Variants in ESRRG observed in about 807,000 individuals in gnomAD.
ESRRG encodes estrogen related receptor gamma.
Under a neutral mutation model 44.0 loss-of-function variants are expected in ESRRG, and 13 were observed. The ratio of observed to expected loss-of-function variants is 0.30; its 90% CI spans 0.19 to 0.47. The LOEUF is 0.47. Among genes scored for constraint, ESRRG ranks in the 20% least tolerant of loss-of-function variants. The probability of loss-of-function intolerance (pLI) is 1.00; values close to 1 mark genes in which losing one functional copy is unlikely to be tolerated. For missense variants in ESRRG, 395 were observed against 580.6 expected (o/e 0.68, Z 3.29); for synonymous variants, 215 against 214.6 (o/e 1.00, Z -0.02).
At chr1:216,559,553 C>T (rs1035694678) in intron 5 of ESRRG, among the ~76,000 whole-genome samples, 2 of 152,218 alleles carry the variant, frequency 1.3e-5, no homozygotes, top group African/African-American at 2.4e-5. Flanking sequence ...CACCCTTAGT[C>T]AACCATGTCC....
intron 2 of ESRRG, among the ~76,000 whole-genome samples, chr1:216,914,098 TC>T (rs1440742607): frequency 1.3e-5 from 2 of 150,900 alleles, no homozygotes; most frequent in African/African-American, 4.9e-5. Context: ...TAGCTCCCCC[TC>T]CCCCCATCCT....
chr1:216,869,620 T>C (rs2096230381), intron 2 of ESRRG, among the ~76,000 whole-genome samples: 1 of 152,106 alleles, frequency 6.6e-6, no homozygotes, highest in East Asian at 1.9e-4. Flanking sequence ...TCATTAAATC[T>C]ATTGATCAAA....
chr1:216,825,779 G>A (rs545867878), intron 2 of ESRRG, among the ~76,000 whole-genome samples: 3 of 152,276 alleles, frequency 2.0e-5, no homozygotes, highest in Admixed American at 2.0e-4. Flanking sequence ...CTTAGCATTA[G>A]CATCCTAACA....
chr1:216,732,110 TA>T (rs565228672), intron 2 of ESRRG, among the ~76,000 whole-genome samples: 3 of 136,784 alleles, frequency 2.2e-5, no homozygotes, highest in East Asian at 2.2e-4. Flanking sequence ...AAATAAAAAA[TA>T]AAAAAAGAAA....
intron 1 of ESRRG, among the ~76,000 whole-genome samples, chr1:216,987,603 T>A (rs562887320): frequency 1.3e-4 from 20 of 152,356 alleles, no homozygotes; most frequent in Admixed American, 3.9e-4. Context: ...AAGAGTTTGA[T>A]GAAGTACTCA....
chr1:216,932,105 G>A (rs1306250990), intron 2 of ESRRG, among the ~76,000 whole-genome samples: 2 of 152,120 alleles, frequency 1.3e-5, no homozygotes, highest in African/African-American at 4.8e-5. Flanking sequence ...TCAGGAGGCT[G>A]AGGCAGGAAA....
intron 3 of ESRRG, among the ~76,000 whole-genome samples, chr1:216,626,368 A>G (rs1394515578): frequency 6.6e-6 from 1 of 152,042 alleles, no homozygotes; most frequent in Non-Finnish European, 1.5e-5. Context: ...GTTTTAAAGC[A>G]TTTTTCCCAT....
At chr1:216,755,946 C>A (rs955265901) in intron 2 of ESRRG, among the ~76,000 whole-genome samples, 1 of 151,924 alleles carries the variant, frequency 6.6e-6, no homozygotes, top group African/African-American at 2.4e-5. Context: ...CTGACCCTGG[C>A]CCCCCTGCAC....
intron 2 of ESRRG, among the ~76,000 whole-genome samples, chr1:216,796,992 A>G (rs2094487202): frequency 6.6e-6 from 1 of 152,028 alleles, no homozygotes; most frequent in Non-Finnish European, 1.5e-5. Flanking sequence ...CCCAGGTTCA[A>G]GCGATTCTCC....
At chr1:216,563,100 T>C (rs1292580310) in intron 5 of ESRRG, among the ~76,000 whole-genome samples, 1 of 152,196 alleles carries the variant, frequency 6.6e-6, no homozygotes. Flanking sequence ...TTAACTAGTT[T>C]TGACTTAATT....
chr1:216,625,487 C>T (rs1017642917), intron 3 of ESRRG, among the ~76,000 whole-genome samples: 1 of 145,550 alleles, frequency 6.9e-6, no homozygotes, highest in African/African-American at 2.6e-5. Flanking sequence ...CTTATAATAA[C>T]GTCTTGCTTT....
chr1:216,513,921 G>C (rs1227166510), intron 6 of ESRRG, among the ~76,000 whole-genome samples: 1 of 152,096 alleles, frequency 6.6e-6, no homozygotes, highest in East Asian at 1.9e-4. Flanking sequence ...TCTGCACCAT[G>C]CTAATGACGT....
intron 1 of ESRRG, among the ~76,000 whole-genome samples, chr1:216,722,853 A>G (rs1023056981): frequency 6.6e-6 from 1 of 152,232 alleles, no homozygotes; most frequent in Non-Finnish European, 1.5e-5. Flanking sequence ...AGAGGCCCTC[A>G]ATAGTATAAA....
chr1:216,508,654 T>C lies in ESRRG; in HGVS notation c.1133-1471A>G, dbSNP rs11572826. 5.8e-3 allele frequency among the ~76,000 whole-genome samples: 888 copies of C among 152,318 alleles called. 6 individuals are homozygous for C. Among genetic ancestry groups the C allele is most frequent in the African/African-American group, 0.021 (855 of 41,558 alleles). On this transcript the variant is annotated intron_variant, in intron 6 of 6. Coordinates refer to ENST00000408911, the MANE Select transcript of ESRRG (RefSeq NM_001438.4). ...ATCTCATCCACCTCCTATGGTGCTGTCTCTTAGAAACAAACACACATAATT... is the reference window on the plus strand; with the variant it reads ...ATCTCATCCACCTCCTATGGTGCTGCCTCTTAGAAACAAACACACATAATT...
chr1:216,876,424 C>A (rs1398090701), intron 2 of ESRRG, among the ~76,000 whole-genome samples: 1 of 152,156 alleles, frequency 6.6e-6, no homozygotes, highest in Non-Finnish European at 1.5e-5. Context: ...ACCTGCCAAA[C>A]AAGAATCCCC....
intron 2 of ESRRG, among the ~76,000 whole-genome samples, chr1:216,658,849 AGAAGAGAAGAGAAGAGAAGAGAAGAG>A (rs2071387077): frequency 2.3e-4 from 1 of 4,358 alleles, no homozygotes; most frequent in African/African-American, 6.2e-4. Flanking sequence ...AGAAAGTAAA[AGAAGAGAAGAGAAGAGAAGAGAAGAG>A]AAGAGAAGAG....
chr1:216,806,122 C>T (rs755492161), intron 2 of ESRRG, among the ~76,000 whole-genome samples: 9 of 152,336 alleles, frequency 5.9e-5, no homozygotes, highest in Admixed American at 5.9e-4. Context: ...TTTCTGCCTA[C>T]AGTATGTGCA....
intron 1 of ESRRG, among the ~76,000 whole-genome samples, chr1:217,124,386 C>T (rs2092862243): frequency 6.6e-6 from 1 of 152,114 alleles, no homozygotes; most frequent in Non-Finnish European, 1.5e-5. Flanking sequence ...CTTGTAAATC[C>T]ATGAGGAAGC....
intron 1 of ESRRG, among the ~76,000 whole-genome samples, chr1:217,023,745 C>T (rs1294954461): frequency 1.3e-5 from 2 of 152,164 alleles, no homozygotes; most frequent in East Asian, 1.9e-4. Flanking sequence ...CTTCCCCACC[C>T]CGACCCTTGC....
Sources: allele counts gnomAD v4.1 joint callset (sites outside exome capture counted in the v4.1 genomes callset), GRCh38; gene constraint gnomAD v4.1.1; transcripts MANE v1.5; gene names NCBI Gene and HGNC (gene_info 2026-07-23, HGNC 2026-07-21).